The following NALF1 variants were observed in gnomAD, a reference collection of about 807,000 sequenced individuals.
NALF1 encodes NALCN channel auxiliary factor 1, also known as family with sequence similarity 155 member A.
NALF1 carries 3 observed loss-of-function variants against 48.4 expected under a neutral mutation model. That is an observed-to-expected ratio of 0.06 (90% confidence interval 0.03 to 0.16). The LOEUF (loss-of-function observed/expected upper bound fraction) is 0.16, where lower values mean the gene tolerates loss of function less well. NALF1 is among the 10% of genes least tolerant of loss of function. The pLI is 1.00. For synonymous variants in NALF1, 262 were observed against 245.7 expected (o/e 1.07, Z -0.62); for missense variants, 526 against 571.5 (o/e 0.92, Z 0.81).
At chr13:107,345,784 A>G (rs749276436) in intron 1 of NALF1, among the ~76,000 whole-genome samples, 1 of 152,218 alleles carries the variant, frequency 6.6e-6, no homozygotes, top group Non-Finnish European at 1.5e-5. Flanking sequence ...AAAAATAGAC[A>G]ACAGGACTAC....
At chr13:107,339,759 C>A (rs1882633812) in intron 1 of NALF1, among the ~76,000 whole-genome samples, 1 of 152,076 alleles carries the variant, frequency 6.6e-6, no homozygotes, top group Non-Finnish European at 1.5e-5. Flanking sequence ...AAGGCAAACA[C>A]CAATTTTCAA....
rs1056490799 is a variant in NALF1 at position 107,504,621 on chromosome 13, C to T, written c.916-293866G>A. ...ACATAAAGTTCAAAGTTCTTGATAC[C>T]GGTATCGAAGGCCCCCCTAAATATG... On this transcript the variant is annotated intron_variant, in intron 1 of 2. Transcript: ENST00000375915. Among the ~76,000 whole-genome samples the T allele has an allele frequency of 7.2e-5, 11 of 152,074 alleles. No individual in the cohort carries two copies. In the East Asian group the frequency reaches 1.2e-3, roughly 16 times the overall value.
At chr13:107,663,697 T>G (rs781230053) in intron 1 of NALF1, among the ~76,000 whole-genome samples, 1 of 152,208 alleles carries the variant, frequency 6.6e-6, no homozygotes, top group Non-Finnish European at 1.5e-5. Context: ...CAAACTGATC[T>G]TGACAATGTC....
At chr13:107,810,978 T>C (rs564496768) in intron 1 of NALF1, among the ~76,000 whole-genome samples, 18 of 152,272 alleles carry the variant, frequency 1.2e-4, no homozygotes, top group Admixed American at 8.5e-4. Context: ...AAATTATGTA[T>C]ATATTATTCA....
chr13:107,450,291 A>T (rs6492057), intron 1 of NALF1, among the ~76,000 whole-genome samples: 96,167 of 151,886 alleles, frequency 0.63, 31,672 homozygotes, highest in Middle Eastern at 0.77. Flanking sequence ...CACCAAGAAG[A>T]ATGTGGGAAA....
chr13:107,460,606 C>A (rs1416684930), intron 1 of NALF1, among the ~76,000 whole-genome samples: 2 of 152,160 alleles, frequency 1.3e-5, no homozygotes, highest in Non-Finnish European at 2.9e-5. Context: ...AATCTCAACA[C>A]AGATTTCGAC....
rs1879528728 is a variant in NALF1, at chr13:107,621,995, A to AT, written c.915+243686_915+243687insA. 7.4e-5 allele frequency among the ~76,000 whole-genome samples: 7 copies of AT among 94,016 alleles called. No homozygotes were observed. In the Admixed American group the frequency reaches 8.8e-4, roughly 12 times the overall value. The allele number at this position is 94,016 out of a possible 152,430, so 61.7% of individuals were successfully genotyped here. On this transcript the variant is annotated intron_variant, in intron 1 of 2. Transcript: ENST00000375915. ...GACATCTGGAATATGCCCACAAAGC[A>AT]GTTTTTTTTTTCTTTGAAACTGAGT...
chr13:107,532,270 C>T (rs1876662939), intron 1 of NALF1, among the ~76,000 whole-genome samples: 1 of 151,726 alleles, frequency 6.6e-6, no homozygotes, highest in Non-Finnish European at 1.5e-5. Context: ...CTTATGGATT[C>T]CCACAGTGTA....
At chr13:107,399,793 C>G (rs995191518) in intron 1 of NALF1, among the ~76,000 whole-genome samples, 1 of 152,056 alleles carries the variant, frequency 6.6e-6, no homozygotes, top group Non-Finnish European at 1.5e-5. Flanking sequence ...CTGGTTCTTC[C>G]TTTACAAACA....
In NALF1 at chr13:107,866,338, T is replaced by TCTGCTG. The variant is rs756515049; in HGVS notation, c.253_258dup (p.Gln85_Gln86dup). ...TGCTGCTGCTGCTGCTGCCGCTGCC[T>TCTGCTG]CTGCTGCTGCTGCTGCTGCTGCTGC... is the stretch of plus-strand genomic sequence containing the variant. On this transcript the variant is annotated inframe_insertion, in exon 1 of 3. Transcript: ENST00000375915. The surrounding 1 kb of genome is among the most constrained non-coding windows in gnomAD (Gnocchi z 4.4). 5.5e-5 allele frequency: 88 copies of TCTGCTG among 1,598,644 alleles called. No individual in the cohort carries two copies. Among genetic ancestry groups the TCTGCTG allele is most frequent in the Middle Eastern group, 1.7e-4 (1 of 5,806 alleles).
At chr13:107,731,411 T>C (rs945887447) in intron 1 of NALF1, among the ~76,000 whole-genome samples, 2 of 152,194 alleles carry the variant, frequency 1.3e-5, no homozygotes, top group South Asian at 2.1e-4. Context: ...TTTTAACTTT[T>C]ATTTTAGGTT....
chr13:107,465,805 G>A (rs1301103681), intron 1 of NALF1, among the ~76,000 whole-genome samples: 3 of 152,180 alleles, frequency 2.0e-5, no homozygotes, highest in African/African-American at 4.8e-5. Flanking sequence ...TGCATCTGGT[G>A]AAAGCCTGTT....
At chr13:107,726,919 G>C (rs868830966) in intron 1 of NALF1, among the ~76,000 whole-genome samples, 9,392 of 126,392 alleles carry the variant, frequency 0.074, 512 homozygotes, top group African/African-American at 0.097. Flanking sequence ...ATTCTTGTGT[G>C]TGTGTGTGTG....
intron 1 of NALF1, among the ~76,000 whole-genome samples, chr13:107,782,827 G>A (rs542499460): frequency 6.7e-6 from 1 of 149,950 alleles, no homozygotes; most frequent in South Asian, 2.1e-4. Flanking sequence ...CAACCGCCCC[G>A]TCTGAGAAGT....
At chr13:107,277,930 T>TGTCC (rs1452883076) in intron 1 of NALF1, among the ~76,000 whole-genome samples, 1 of 152,220 alleles carries the variant, frequency 6.6e-6, no homozygotes, top group Non-Finnish European at 1.5e-5. Flanking sequence ...TTTAGATGAA[T>TGTCC]GTCCATCCCA....
chr13:107,777,165 C>T (rs1877758065), intron 1 of NALF1, among the ~76,000 whole-genome samples: 1 of 152,138 alleles, frequency 6.6e-6, no homozygotes, highest in Non-Finnish European at 1.5e-5. Context: ...CGAAACTTCA[C>T]ATAAAGTATC....
chr13:107,509,195 A>G (rs949901599), intron 1 of NALF1, among the ~76,000 whole-genome samples: 1 of 152,162 alleles, frequency 6.6e-6, no homozygotes, highest in East Asian at 1.9e-4. Flanking sequence ...TAGTATATTT[A>G]CATATTACAT....
At chr13:107,686,092 G>C (rs527693953) in intron 1 of NALF1, among the ~76,000 whole-genome samples, 1 of 152,344 alleles carries the variant, frequency 6.6e-6, no homozygotes, top group Non-Finnish European at 1.5e-5. Context: ...GGGGCCGGGG[G>C]CCAGCCTCTG....
At chr13:107,404,419 AAT>A (rs1197445665) in intron 1 of NALF1, among the ~76,000 whole-genome samples, 2 of 152,142 alleles carry the variant, frequency 1.3e-5, no homozygotes, top group African/African-American at 2.4e-5. Flanking sequence ...TTTGAAAAAA[AAT>A]ATATCTTAAC....
Sources: allele counts gnomAD v4.1 joint callset (sites outside exome capture counted in the v4.1 genomes callset), GRCh38; gene constraint gnomAD v4.1.1; non-coding constraint Gnocchi (gnomAD v3.1); transcripts MANE v1.5; gene names NCBI Gene and HGNC (gene_info 2026-07-23, HGNC 2026-07-21).